EPHA3: variants seen among roughly 807,000 people sequenced by gnomAD.
EPHA3 encodes EPH receptor A3.
A neutral mutation model predicts 107.1 loss-of-function variants in EPHA3; 42 were observed. The observed-to-expected ratio is 0.39, with a 90% CI of 0.31 to 0.51. The LOEUF is 0.51. EPHA3 is among the 20% of genes least tolerant of loss of function. The probability of loss-of-function intolerance (pLI) is 0.78; values close to 1 mark genes in which losing one functional copy is unlikely to be tolerated. For missense variants in EPHA3, 1,183 were observed against 1,211.2 expected (o/e 0.98, Z 0.35); for synonymous variants, 461 against 424.8 (o/e 1.09, Z -1.05).
chr3:89,161,522 A>T (rs1186608212), intron 2 of EPHA3, among the ~76,000 whole-genome samples: 3 of 151,968 alleles, frequency 2.0e-5, no homozygotes, highest in Admixed American at 2.0e-4. Context: ...CTTGTTCTTT[A>T]TTTTTATGTT....
chr3:89,417,749 A>C (rs760162237), intron 10 of EPHA3, among the ~76,000 whole-genome samples: 3 of 151,424 alleles, frequency 2.0e-5, no homozygotes, highest in Non-Finnish European at 4.4e-5. Context: ...AAGGGAATAA[A>C]CTAGTCCTGT....
At chr3:89,382,502 C>T (rs1708532272) in intron 5 of EPHA3, among the ~76,000 whole-genome samples, 1 of 146,716 alleles carries the variant, frequency 6.8e-6, no homozygotes, top group South Asian at 2.1e-4. Flanking sequence ...AGCAAAAATT[C>T]CATCTCAAAA....
intron 3 of EPHA3, among the ~76,000 whole-genome samples, chr3:89,225,378 C>A (rs1051897781): frequency 6.6e-6 from 1 of 152,062 alleles, no homozygotes. Context: ...ACACTAGATA[C>A]GAAAGTAAAC....
intron 3 of EPHA3, among the ~76,000 whole-genome samples, chr3:89,331,407 A>G (rs1707285101): frequency 6.6e-6 from 1 of 152,326 alleles, no homozygotes; most frequent in South Asian, 2.1e-4. Context: ...CACTAATACC[A>G]TTATACAAAT....
chr3:89,347,135 T>C (rs1261171259), intron 5 of EPHA3, among the ~76,000 whole-genome samples: 6 of 140,786 alleles, frequency 4.3e-5, no homozygotes, highest in East Asian at 4.0e-4. Context: ...TTTAAAGTAG[T>C]TTTTTCCAAT....
intron 1 of EPHA3, among the ~76,000 whole-genome samples, chr3:89,108,286 A>G (rs1209898684): frequency 6.6e-6 from 1 of 152,104 alleles, no homozygotes; most frequent in East Asian, 1.9e-4. Flanking sequence ...ACTTGGGATC[A>G]TGGCATTTAT....
rs528638547 is a variant in EPHA3, at chr3:89,295,338, T to C, written c.815-45578T>C. 2.6e-5 allele frequency among the ~76,000 whole-genome samples: 4 copies of C among 152,126 alleles called. No homozygotes were observed. In the South Asian group the frequency reaches 8.3e-4, roughly 32 times the overall value. On this transcript the variant is annotated intron_variant, in intron 3 of 16. Coordinates refer to ENST00000336596, the MANE Select transcript of EPHA3 (RefSeq NM_005233.6). The stretch of plus-strand genomic sequence containing the variant: ...TTGTTCGTGGAGGATCTTGCCTCAA[T>C]GTTGATGGCTGCTGACTGATCAGGA...
At chr3:89,130,534 A>G (rs757878570) in intron 2 of EPHA3, among the ~76,000 whole-genome samples, 1 of 151,306 alleles carries the variant, frequency 6.6e-6, no homozygotes, top group Non-Finnish European at 1.5e-5. Flanking sequence ...TTTCTTTTCT[A>G]TTTCTATTCT....
chr3:89,195,691 G>T (rs1449086639), intron 2 of EPHA3, among the ~76,000 whole-genome samples: 1 of 152,056 alleles, frequency 6.6e-6, no homozygotes, highest in Non-Finnish European at 1.5e-5. Flanking sequence ...GAACTGTCCT[G>T]GGTGTTGGGT....
At chr3:89,295,378 G>A (rs1706320697) in intron 3 of EPHA3, among the ~76,000 whole-genome samples, 2 of 107,098 alleles carry the variant, frequency 1.9e-5, no homozygotes, top group Admixed American at 1.6e-4. Context: ...GGTTGCTGAA[G>A]GGTGGCACCC....
chr3:89,274,213 C>T (rs1705749520), intron 3 of EPHA3, among the ~76,000 whole-genome samples: 1 of 151,918 alleles, frequency 6.6e-6, no homozygotes, highest in Non-Finnish European at 1.5e-5. Flanking sequence ...TATTTACCCA[C>T]CACCCTCCCA....
At chr3:89,110,447 A>T (rs1319498519) in intron 1 of EPHA3, among the ~76,000 whole-genome samples, 4 of 151,916 alleles carry the variant, frequency 2.6e-5, no homozygotes, top group Non-Finnish European at 4.4e-5. Flanking sequence ...GTTTAATCTG[A>T]ATTTTCCTTC....
At chr3:89,317,711 T>C (rs1706941869) in intron 3 of EPHA3, among the ~76,000 whole-genome samples, 1 of 151,784 alleles carries the variant, frequency 6.6e-6, no homozygotes, top group Non-Finnish European at 1.5e-5. Context: ...ATATTTATAT[T>C]AATATATTCT....
intron 3 of EPHA3, among the ~76,000 whole-genome samples, chr3:89,330,027 T>C (rs1707251870): frequency 6.6e-6 from 1 of 152,028 alleles, no homozygotes; most frequent in South Asian, 2.1e-4. Context: ...TTTATGTCTT[T>C]ATAGTTTCAA....
Position 89,273,392 on chromosome 3 carries a change from CT to C in EPHA3, c.814+62875del, listed in dbSNP as rs551247390. On this transcript the variant is annotated intron_variant, in intron 3 of 16. Coordinates refer to ENST00000336596, the MANE Select transcript of EPHA3 (RefSeq NM_005233.6). ...CTCACTGTTTATACCTTAGTTTAAA[CT>C]TTATATTAATAGAACAGTAGCCAAC... Among the ~76,000 whole-genome samples the C allele has an allele frequency of 1.1e-3, 173 of 152,016 alleles. 1 individual carries two copies. Among genetic ancestry groups the C allele is most frequent in the Middle Eastern group, 6.8e-3 (2 of 294 alleles).
chr3:89,119,765 G>A (rs1325517657), intron 1 of EPHA3, among the ~76,000 whole-genome samples: 1 of 152,120 alleles, frequency 6.6e-6, no homozygotes, highest in African/African-American at 2.4e-5. Flanking sequence ...GTGTATGTAT[G>A]TGCACATGTG....
chr3:89,116,719 T>TAAAAAAAAAA (rs140739470), intron 1 of EPHA3, among the ~76,000 whole-genome samples: 2 of 132,570 alleles, frequency 1.5e-5, no homozygotes, highest in African/African-American at 2.8e-5. Flanking sequence ...ACTGTAACAT[T>TAAAAAAAAAA]AAAAAAAAAA....
chr3:89,335,902 T>G (rs749053251), intron 3 of EPHA3, among the ~76,000 whole-genome samples: 1 of 152,208 alleles, frequency 6.6e-6, no homozygotes, highest in Non-Finnish European at 1.5e-5. Flanking sequence ...AAGACGTAAA[T>G]CAGAATTGTG....
chr3:89,207,221 T>C (rs1220884711), intron 2 of EPHA3, among the ~76,000 whole-genome samples: 1 of 152,148 alleles, frequency 6.6e-6, no homozygotes, highest in African/African-American at 2.4e-5. Flanking sequence ...TTGTTTGTAA[T>C]TACCGACAAT....
Sources: allele counts gnomAD v4.1 joint callset (sites outside exome capture counted in the v4.1 genomes callset), GRCh38; gene constraint gnomAD v4.1.1; transcripts MANE v1.5; gene names NCBI Gene and HGNC (gene_info 2026-07-23, HGNC 2026-07-21).